The following XKR9 variants were observed in gnomAD, a reference collection of about 807,000 sequenced individuals.
XKR9 encodes the protein XK related 9.
XKR9 carries 32 observed loss-of-function variants against 32.0 expected under a neutral mutation model. The ratio of observed to expected loss-of-function variants is 1.00; its 90% CI spans 0.76 to 1.34. The LOEUF (loss-of-function observed/expected upper bound fraction) is 1.34, where lower values mean the gene tolerates loss of function less well. Among genes scored for constraint, XKR9 ranks in the 40% most tolerant of loss-of-function variants. XKR9 has a pLI of 0.00. For synonymous variants in XKR9, 168 were observed against 143.4 expected, an observed-to-expected ratio of 1.17 and a Z score of -1.22; for missense variants, 546 against 429.7, an observed-to-expected ratio of 1.27 and a Z score of -2.39.
intron 2 of XKR9, 126 bp from the exon 3 acceptor site, chr8:70,680,655 A>T (rs1819044542): frequency 6.5e-6 from 1 of 153,356 alleles, no homozygotes; most frequent in Admixed American, 6.5e-5. Context: ...CAAAGCTATT[A>T]TAAGAACTGT....
chr8:71,034,855 T>C, the XKR9 span, among the ~76,000 whole-genome samples: 38 of 152,264 alleles, frequency 2.5e-4, no homozygotes, highest in African/African-American at 9.2e-4. Context: ...TTGGGGATAG[T>C]TTATTATATA....
At chr8:70,779,786 G>C (rs1563478241) in intron 2 of XKR9, among the ~76,000 whole-genome samples, 1 of 152,096 alleles carries the variant, frequency 6.6e-6, no homozygotes, top group Non-Finnish European at 1.5e-5. Context: ...TATTTCTGTG[G>C]GATTGGTGGT....
the XKR9 span, among the ~76,000 whole-genome samples, chr8:70,959,600 T>A: frequency 6.6e-6 from 1 of 152,246 alleles, no homozygotes; most frequent in Admixed American, 6.5e-5. Context: ...ACTTGCTGAC[T>A]TATGCATTTT....
At chr8:70,915,152 C>A in the XKR9 span, among the ~76,000 whole-genome samples, 1 of 151,948 alleles carries the variant, frequency 6.6e-6, no homozygotes, top group Non-Finnish European at 1.5e-5. Context: ...GTGGTACCAG[C>A]AGGTCCATTA....
chr8:70,737,169 G>A (rs1414863277), downstream of XKR9, among the ~76,000 whole-genome samples: 1 of 145,900 alleles, frequency 6.9e-6, no homozygotes, highest in East Asian at 1.9e-4. Flanking sequence ...AGTTCTCCTT[G>A]AAGAGGTCCT....
chr8:70,738,693 G>T (rs1806908504), downstream of XKR9, among the ~76,000 whole-genome samples: 1 of 151,970 alleles, frequency 6.6e-6, no homozygotes. Context: ...TGGTTTCAAA[G>T]AACATCTTTA....
the XKR9 span, among the ~76,000 whole-genome samples, chr8:70,987,995 C>T: frequency 6.8e-6 from 1 of 146,922 alleles, no homozygotes; most frequent in African/African-American, 2.7e-5. Flanking sequence ...CTACGTTGGC[C>T]CCTTTCAGCC....
the XKR9 span, among the ~76,000 whole-genome samples, chr8:70,995,647 CTT>C: frequency 6.6e-6 from 1 of 152,124 alleles, no homozygotes; most frequent in Non-Finnish European, 1.5e-5. Flanking sequence ...CAGCCAAACT[CTT>C]TGTTCTTTGA....
At chr8:70,752,662 A>G (rs1037590770) in intron 2 of XKR9, among the ~76,000 whole-genome samples, 2 of 152,204 alleles carry the variant, frequency 1.3e-5, no homozygotes, top group African/African-American at 2.4e-5. Flanking sequence ...AAACCATAGC[A>G]AAGTCCAATT....
At chr8:70,799,158 A>G in the XKR9 span, among the ~76,000 whole-genome samples, 1 of 152,086 alleles carries the variant, frequency 6.6e-6, no homozygotes, top group African/African-American at 2.4e-5. Context: ...CATTTTAACA[A>G]TATTGATTCT....
the XKR9 span, among the ~76,000 whole-genome samples, chr8:71,047,559 G>A: frequency 6.6e-6 from 1 of 152,216 alleles, no homozygotes; most frequent in Non-Finnish European, 1.5e-5. Flanking sequence ...CCAAATGTCA[G>A]TCTTTCCAGG....
chr8:70,912,146 G>T, the XKR9 span, among the ~76,000 whole-genome samples: 2 of 152,084 alleles, frequency 1.3e-5, no homozygotes, highest in Non-Finnish European at 2.9e-5. Context: ...TTGGGGTGGG[G>T]GAGAATGATG....
intron 2 of XKR9, among the ~76,000 whole-genome samples, chr8:70,754,899 C>T (rs1807196326): frequency 6.6e-6 from 1 of 152,076 alleles, no homozygotes; most frequent in Non-Finnish European, 1.5e-5. Context: ...CAACAAAAGC[C>T]AAAATTGACA....
chr8:70,670,020 C>T (rs1273480455), intron 1 of XKR9, among the ~76,000 whole-genome samples: 2 of 152,178 alleles, frequency 1.3e-5, no homozygotes, highest in Non-Finnish European at 2.9e-5. Context: ...TTAGTACTTC[C>T]TACTATGCCT....
the XKR9 span, among the ~76,000 whole-genome samples, chr8:70,860,994 T>G: frequency 2.6e-5 from 4 of 152,176 alleles, no homozygotes; most frequent in African/African-American, 9.7e-5. Flanking sequence ...AGAGGGATTT[T>G]TGGCCTTTAT....
the XKR9 span, among the ~76,000 whole-genome samples, chr8:70,992,948 C>G: frequency 5.9e-5 from 9 of 152,246 alleles, no homozygotes; most frequent in Non-Finnish European, 1.3e-4. Flanking sequence ...CTCCTGCCTT[C>G]TAGACTTGGA....
chr8:71,024,249 G>C, the XKR9 span, among the ~76,000 whole-genome samples: 1 of 152,218 alleles, frequency 6.6e-6, no homozygotes, highest in Non-Finnish European at 1.5e-5. Flanking sequence ...AGTGACAGCA[G>C]CCTCAAGTCT....
At chr8:70,885,495 A>C in the XKR9 span, among the ~76,000 whole-genome samples, 1 of 152,056 alleles carries the variant, frequency 6.6e-6, no homozygotes, top group Non-Finnish European at 1.5e-5. Context: ...GGTTTGCCGC[A>C]CCTATCAATC....
the XKR9 span, among the ~76,000 whole-genome samples, chr8:70,876,686 A>G: frequency 6.6e-6 from 1 of 152,170 alleles, no homozygotes; most frequent in African/African-American, 2.4e-5. Flanking sequence ...CATTTAGTAA[A>G]TGAATACTGA....
Sources: allele counts gnomAD v4.1 joint callset (sites outside exome capture counted in the v4.1 genomes callset), GRCh38; gene constraint gnomAD v4.1.1; transcripts MANE v1.5; gene names NCBI Gene and HGNC (gene_info 2026-07-23, HGNC 2026-07-21).